The following ZP3 variants were observed in gnomAD, a reference collection of about 807,000 sequenced individuals.
The protein encoded by ZP3 is zona pellucida sperm-binding protein 3.
A neutral mutation model predicts 35.6 loss-of-function variants in ZP3; 21 were observed. That is an observed-to-expected ratio of 0.59 (90% CI 0.42 to 0.85). The LOEUF is 0.85. ZP3 is among the 40% of genes least tolerant of loss of function. ZP3 has a pLI of 0.00. For missense variants in ZP3, 437 were observed against 536.5 expected, an observed-to-expected ratio of 0.81 and a Z score of 1.83; for synonymous variants, 207 against 214.5, an observed-to-expected ratio of 0.96 and a Z score of 0.31.
chr7:76,431,548 G>A (rs1433675740), intron 2 of ZP3, among the ~76,000 whole-genome samples: 3 of 152,140 alleles, frequency 2.0e-5, no homozygotes, highest in African/African-American at 7.2e-5. Context: ...CCAGTCACTG[G>A]TGTGGGTCCA....
chr7:76,400,691 A>G (rs899195217), intron 1 of ZP3: 35 of 1,282,168 alleles, frequency 2.7e-5, no homozygotes, highest in Non-Finnish European at 3.5e-5. Flanking sequence ...TTTTTTTGGT[A>G]GAGACGGGGT....
chr7:76,422,553 C>T (rs1805527709), upstream of ZP3, among the ~76,000 whole-genome samples: 1 of 151,640 alleles, frequency 6.6e-6, no homozygotes, highest in South Asian at 2.1e-4. Flanking sequence ...GTGGCAGGCG[C>T]CTGTAATCCC....
chr7:76,401,193 C>T, intron 1 of ZP3: 1 of 1,167,430 alleles, frequency 8.6e-7, no homozygotes, highest in Non-Finnish European at 1.2e-6. Context: ...CCCATTGTCT[C>T]TTTCTCTGAC....
At chr7:76,437,482 T>G (rs1268225324) in intron 5 of ZP3, among the ~76,000 whole-genome samples, 5 of 150,594 alleles carry the variant, frequency 3.3e-5, no homozygotes, top group Non-Finnish European at 7.4e-5. Context: ...TTTTTTTTTT[T>G]TTTTTGTTTT....
At chr7:76,406,314 C>CA (rs1805030891) in intron 1 of ZP3, among the ~76,000 whole-genome samples, 2 of 152,122 alleles carry the variant, frequency 1.3e-5, no homozygotes, top group African/African-American at 4.8e-5. Context: ...CCACGGACAG[C>CA]AACCCACTTA....
At position 76,418,228 on chromosome 7, in the gene ZP3, G is replaced by A. The variant is rs545097665; in HGVS notation, c.-66-6824G>A. The stretch of plus-strand genomic sequence containing the variant: ...ATAGATGTGAGCCACTTTGCCTGGC[G>A]AATAGTGCTATTTTTTTAAAACACC... On this transcript the variant is annotated intron_variant, in intron 1 of 8. Coordinates refer to the ZP3 transcript ENST00000336517. 1.9e-3 allele frequency among the ~76,000 whole-genome samples: 292 copies of A among 152,068 alleles called. 4 individuals are homozygous for A. Among genetic ancestry groups the A allele is most frequent in the Non-Finnish European group, 1.4e-3 (97 of 67,992 alleles).
At chr7:76,423,094 G>C (rs985723527), upstream of ZP3, among the ~76,000 whole-genome samples, 7 of 137,936 alleles carry the variant, frequency 5.1e-5, no homozygotes, top group Non-Finnish European at 9.2e-5. Flanking sequence ...AAAAGAAATT[G>C]ACAGGAGGCT....
At chr7:76,437,486 T>G (rs1244285555) in intron 5 of ZP3, among the ~76,000 whole-genome samples, 22 of 149,302 alleles carry the variant, frequency 1.5e-4, no homozygotes, top group East Asian at 1.2e-3. Flanking sequence ...TTTTTTTTTT[T>G]TGTTTTTTTT....
Position 76,418,673 on chromosome 7 carries a change from G to A in ZP3, c.-66-6379G>A, listed in dbSNP as rs576629216. On this transcript the variant is annotated intron_variant, in intron 1 of 8. Coordinates refer to the ZP3 transcript ENST00000336517. ...CGGTCGAGACCATCCCAGCTAACAC[G>A]GTAAAACTCCATCTCTACTAAAAAT... is the stretch of plus-strand genomic sequence containing the variant. 2.0e-5 allele frequency among the ~76,000 whole-genome samples: 3 copies of A among 151,138 alleles called. No individual in the cohort carries two copies. In the Admixed American group the frequency reaches 2.0e-4, roughly 10 times the overall value.
intron 1 of ZP3, among the ~76,000 whole-genome samples, chr7:76,418,184 C>A (rs1161408062): frequency 1.3e-5 from 2 of 152,000 alleles, no homozygotes; most frequent in South Asian, 2.1e-4. Flanking sequence ...CCGCCTTGGC[C>A]TCCCAAAGTG....
At chr7:76,424,931 G>A (rs1327727088), upstream of ZP3, 1 of 1,488,590 alleles carries the variant, frequency 6.7e-7, no homozygotes. Context: ...GTATAAGATG[G>A]CCAGAGGCGG....
chr7:76,435,820 C>T (rs1268423781), intron 5 of ZP3, among the ~76,000 whole-genome samples: 7 of 147,428 alleles, frequency 4.7e-5, no homozygotes, highest in South Asian at 2.1e-4. Flanking sequence ...CCTCTGCCTC[C>T]GGGTGCAAGC....
chr7:76,428,437 A>G (rs1805734932), intron 1 of ZP3, among the ~76,000 whole-genome samples: 1 of 152,126 alleles, frequency 6.6e-6, no homozygotes, highest in East Asian at 1.9e-4. Flanking sequence ...TCATACCTTC[A>G]CTCTACTGGG....
intron 1 of ZP3, among the ~76,000 whole-genome samples, chr7:76,427,282 C>T (rs970830711): frequency 2.6e-5 from 4 of 151,966 alleles, no homozygotes; most frequent in East Asian, 1.9e-4. Flanking sequence ...TTTGGGAGGC[C>T]GAGGCGGGTG....
chr7:76,432,306 AG>A (rs1174183326), intron 2 of ZP3, among the ~76,000 whole-genome samples: 1 of 151,864 alleles, frequency 6.6e-6, no homozygotes, highest in Non-Finnish European at 1.5e-5. Context: ...CTCCTGCCTC[AG>A]CCTCCCAAGT....
chr7:76,421,419 T>A (rs1805502272), upstream of ZP3, among the ~76,000 whole-genome samples: 1 of 151,974 alleles, frequency 6.6e-6, no homozygotes, highest in South Asian at 2.1e-4. Flanking sequence ...CATGCCTGAC[T>A]AATTTCTTTG....
In ZP3 at chr7:76,432,993, AGAG is replaced by A. The variant is rs2115914145; in HGVS notation, c.502_504del (p.Glu168del). On this transcript the variant is annotated inframe_deletion, in exon 3 of 8. Transcript: ENST00000394857. ...TGCCCTTCAGGACCACGGTGTTCTCAGAGGAGAAGCTGACTTTCTCTCTGCGTC... is the reference window on the plus strand; with the variant it reads ...TGCCCTTCAGGACCACGGTGTTCTCAGAGAAGCTGACTTTCTCTCTGCGTC... 6.2e-7 allele frequency: 1 copy of A among 1,614,130 alleles called. No homozygotes were observed.
chr7:76,404,530 G>A, intron 1 of ZP3: 1 of 1,597,786 alleles, frequency 6.3e-7, no homozygotes, highest in Non-Finnish European at 8.5e-7. Flanking sequence ...CCCAAATGTT[G>A]CTGGGCCTCC....
intron 7 of ZP3, among the ~76,000 whole-genome samples, chr7:76,440,982 A>G (rs1806180974): frequency 6.6e-6 from 1 of 151,840 alleles, no homozygotes; most frequent in South Asian, 2.1e-4. Context: ...GACCAGCCTG[A>G]CCAACATGGA....
Sources: gnomAD v4.1 joint callset for allele counts (sites outside exome capture counted in the v4.1 genomes callset) on GRCh38, gnomAD v4.1.1 for gene constraint, MANE v1.5 for transcripts, NCBI Gene and HGNC (gene_info 2026-07-23, HGNC 2026-07-21) for gene names.